Variants in DAB1 observed in about 807,000 individuals in gnomAD.
DAB1 encodes DAB adaptor protein 1, also known as disabled homolog 1.
Under a neutral mutation model 64.6 loss-of-function variants are expected in DAB1, and 15 were observed. The observed-to-expected ratio is 0.23, with a 90% CI of 0.16 to 0.36. The LOEUF (loss-of-function observed/expected upper bound fraction) is 0.36, where lower values mean the gene tolerates loss of function less well. Among genes scored for constraint, DAB1 ranks in the 10% least tolerant of loss-of-function variants. The pLI is 1.00. For missense variants in DAB1, 596 were observed against 706.7 expected (o/e 0.84, Z 1.78); for synonymous variants, 235 against 251.9 (o/e 0.93, Z 0.64).
intron 1 of DAB1, among the ~76,000 whole-genome samples, chr1:57,391,951 A>T (rs1469943999): frequency 6.6e-6 from 1 of 152,128 alleles, no homozygotes; most frequent in Non-Finnish European, 1.5e-5. Context: ...TCTCCTAGAT[A>T]AGTTTAGTTT....
At chr1:57,748,208 A>C (rs1365692402) in intron 6 of DAB1, among the ~76,000 whole-genome samples, 2 of 152,164 alleles carry the variant, frequency 1.3e-5, no homozygotes, top group African/African-American at 4.8e-5. Flanking sequence ...AACATCAAAG[A>C]CCTTGCCCCA....
chr1:57,871,305 A>G (rs144017110), intron 1 of DAB1, among the ~76,000 whole-genome samples: 26 of 152,326 alleles, frequency 1.7e-4, no homozygotes, highest in Non-Finnish European at 1.2e-4. Context: ...TTTCATGGGT[A>G]TCTGGTGCTG....
upstream of DAB1, among the ~76,000 whole-genome samples, chr1:57,426,490 T>C (rs1685290809): frequency 6.6e-6 from 1 of 151,822 alleles, no homozygotes; most frequent in African/African-American, 2.4e-5. Context: ...TAATTAGGGG[T>C]TTTTTTCTTT....
intron 2 of DAB1, among the ~76,000 whole-genome samples, chr1:57,276,448 A>G (rs1222415509): frequency 6.6e-6 from 1 of 152,260 alleles, no homozygotes; most frequent in Non-Finnish European, 1.5e-5. Context: ...TTACCTATTT[A>G]ACATAGAATA....
At chr1:58,374,385 G>C (rs1218863437) in intron 3 of DAB1, among the ~76,000 whole-genome samples, 1 of 138,696 alleles carries the variant, frequency 7.2e-6, no homozygotes, top group African/African-American at 2.7e-5. Flanking sequence ...TCCAGTTTCA[G>C]CTTTCTACAT....
At chr1:57,235,840 A>G (rs761434582) in intron 2 of DAB1, among the ~76,000 whole-genome samples, 9 of 152,234 alleles carry the variant, frequency 5.9e-5, no homozygotes, top group Non-Finnish European at 1.2e-4. Flanking sequence ...TAGACGCATC[A>G]CAATGTGAGC....
chr1:57,040,876 G>A (rs941881896), intron 9 of DAB1, among the ~76,000 whole-genome samples: 1 of 152,208 alleles, frequency 6.6e-6, no homozygotes, highest in African/African-American at 2.4e-5. Flanking sequence ...CCCATCAGCA[G>A]GATGACAGGA....
intron 9 of DAB1, among the ~76,000 whole-genome samples, chr1:57,056,071 T>A (rs1649724295): frequency 1.3e-5 from 2 of 151,524 alleles, no homozygotes; most frequent in South Asian, 4.2e-4. Context: ...ACATGGAGAG[T>A]GGAGAGACTA....
At chr1:58,333,135 C>A (rs1485420385) in intron 4 of DAB1, among the ~76,000 whole-genome samples, 1 of 152,238 alleles carries the variant, frequency 6.6e-6, no homozygotes, top group African/African-American at 2.4e-5. Flanking sequence ...GTCTCGAACT[C>A]CAGACCTGTT....
intron 5 of DAB1, among the ~76,000 whole-genome samples, chr1:57,936,518 T>C (rs1570027790): frequency 6.6e-6 from 1 of 151,928 alleles, no homozygotes; most frequent in Admixed American, 6.6e-5. Context: ...CAGCCTCCCA[T>C]GTAGCTGGGA....
chr1:57,601,334 G>A (rs1236612485), intron 7 of DAB1, among the ~76,000 whole-genome samples: 1 of 152,178 alleles, frequency 6.6e-6, no homozygotes, highest in African/African-American at 2.4e-5. Context: ...TGCACTTTGG[G>A]AGGCCAAGGC....
intron 1 of DAB1, among the ~76,000 whole-genome samples, chr1:57,332,389 G>A (rs1676746700): frequency 1.3e-5 from 2 of 152,106 alleles, no homozygotes; most frequent in South Asian, 4.2e-4. Context: ...TCTCTCAACT[G>A]TCAAAATGAG....
intron 5 of DAB1, among the ~76,000 whole-genome samples, chr1:58,137,429 CA>C: frequency 6.6e-6 from 1 of 152,262 alleles, no homozygotes; most frequent in South Asian, 2.1e-4. Context: ...CATATCCATT[CA>C]TCACCATCCA....
At chr1:57,382,462 G>C (rs748241397) in intron 1 of DAB1, among the ~76,000 whole-genome samples, 5 of 152,006 alleles carry the variant, frequency 3.3e-5, no homozygotes, top group Non-Finnish European at 5.9e-5. Flanking sequence ...TGAACTTAGT[G>C]GTTCAAAACA....
chr1:58,298,852 A>C (rs896253918), intron 4 of DAB1, among the ~76,000 whole-genome samples: 8 of 152,234 alleles, frequency 5.3e-5, no homozygotes, highest in African/African-American at 1.7e-4. Context: ...TTCCAAATTT[A>C]TCCTTCTTTG....
intron 5 of DAB1, among the ~76,000 whole-genome samples, chr1:57,895,885 G>A (rs1644384912): frequency 6.6e-6 from 1 of 152,132 alleles, no homozygotes; most frequent in African/African-American, 2.4e-5. Context: ...TAACTTTACA[G>A]CCTGTGAAAG....
intron 4 of DAB1, among the ~76,000 whole-genome samples, chr1:57,074,627 T>G (rs1220969054): frequency 2.0e-5 from 3 of 152,182 alleles, no homozygotes; most frequent in Non-Finnish European, 4.4e-5. Flanking sequence ...CAGGGTCTGA[T>G]CATTCACTAA....
intron 7 of DAB1, among the ~76,000 whole-genome samples, chr1:57,504,498 C>T (rs1032500180): frequency 6.6e-6 from 1 of 152,134 alleles, no homozygotes; most frequent in African/African-American, 2.4e-5. Context: ...TAGATTATAA[C>T]ACAAAGTATA....
intron 3 of DAB1, among the ~76,000 whole-genome samples, chr1:58,413,334 T>G (rs1262505894): frequency 6.6e-6 from 1 of 152,230 alleles, no homozygotes; most frequent in Non-Finnish European, 1.5e-5. Flanking sequence ...TTATCTCACT[T>G]ATTCTTAAAA....
Sources: allele counts gnomAD v4.1 joint callset (sites outside exome capture counted in the v4.1 genomes callset), GRCh38; gene constraint gnomAD v4.1.1; transcripts MANE v1.5; gene names NCBI Gene and HGNC (gene_info 2026-07-23, HGNC 2026-07-21).